Variants in AFG2A observed in about 807,000 individuals in gnomAD.
The protein encoded by AFG2A is AAA ATPase AFG2A, also known as ATPase family gene 2 protein homolog A.
At chr4:123,080,556 A>T in the AFG2A span, among the ~76,000 whole-genome samples, 6 of 152,046 alleles carry the variant, frequency 3.9e-5, no homozygotes, top group East Asian at 1.2e-3. Flanking sequence ...TCTCTTCATT[A>T]TGCATTTACC....
the AFG2A span, among the ~76,000 whole-genome samples, chr4:123,201,156 T>C: frequency 6.6e-5 from 10 of 152,254 alleles, no homozygotes; most frequent in Non-Finnish European, 1.0e-4. Context: ...ATTTAAATGT[T>C]TCAAATACTT....
At chr4:123,212,525 T>C in the AFG2A span, among the ~76,000 whole-genome samples, 4 of 152,184 alleles carry the variant, frequency 2.6e-5, no homozygotes, top group African/African-American at 9.6e-5. Context: ...CACTGAAAGC[T>C]AACTAGGGAA....
the AFG2A span, among the ~76,000 whole-genome samples, chr4:123,295,901 A>T: frequency 3.9e-5 from 6 of 152,254 alleles, no homozygotes; most frequent in African/African-American, 1.4e-4. Context: ...ATCTTGTCTC[A>T]AAAGCAAAAC....
chr4:123,253,443 C>G, the AFG2A span, among the ~76,000 whole-genome samples: 1 of 150,766 alleles, frequency 6.6e-6, no homozygotes, highest in Admixed American at 6.6e-5. Context: ...AAGACTGCAC[C>G]ACTGCACTTC....
At chr4:123,290,969 G>A in the AFG2A span, among the ~76,000 whole-genome samples, 2 of 152,106 alleles carry the variant, frequency 1.3e-5, no homozygotes, top group African/African-American at 2.4e-5. Flanking sequence ...ATGAATCTGG[G>A]AGCCCTGGAG....
At chr4:122,943,774 C>T in the AFG2A span, among the ~76,000 whole-genome samples, 20 of 152,234 alleles carry the variant, frequency 1.3e-4, no homozygotes, top group South Asian at 2.1e-3. Context: ...CAGCTGGTAC[C>T]GGTTGTTCTT....
chr4:123,049,404 G>T, the AFG2A span, among the ~76,000 whole-genome samples: 1 of 151,728 alleles, frequency 6.6e-6, no homozygotes. Context: ...CATTTTTTTT[G>T]AAATATTAAT....
At chr4:123,145,864 TTAATG>T in the AFG2A span, among the ~76,000 whole-genome samples, 1 of 152,120 alleles carries the variant, frequency 6.6e-6, no homozygotes, top group African/African-American at 2.4e-5. Flanking sequence ...TAACAGTAAT[TTAATG>T]TATTTTTATG....
the AFG2A span, among the ~76,000 whole-genome samples, chr4:123,074,586 A>G: frequency 6.6e-6 from 1 of 151,384 alleles, no homozygotes; most frequent in East Asian, 1.9e-4. Context: ...TATAGTTTTT[A>G]GGTTTAGGAT....
the AFG2A span, among the ~76,000 whole-genome samples, chr4:123,247,882 C>T: frequency 6.6e-5 from 10 of 152,144 alleles, no homozygotes; most frequent in African/African-American, 2.4e-4. Context: ...ATTTGACTTA[C>T]CTCATCCTTA....
the AFG2A span, among the ~76,000 whole-genome samples, chr4:123,227,925 T>A: frequency 6.6e-6 from 1 of 152,198 alleles, no homozygotes. Context: ...TTTAGGATAG[T>A]TAGCTCTTCT....
chr4:123,024,227 C>CAAAAAAAAAA, the AFG2A span, among the ~76,000 whole-genome samples: 9 of 123,508 alleles, frequency 7.3e-5, no homozygotes, highest in Non-Finnish European at 1.1e-4. Context: ...AGACTATAAG[C>CAAAAAAAAAA]AAAAAAAAAA....
the AFG2A span, among the ~76,000 whole-genome samples, chr4:123,042,865 A>G: frequency 1.3e-5 from 2 of 152,222 alleles, no homozygotes; most frequent in Non-Finnish European, 2.9e-5. Flanking sequence ...CTCTAAATAC[A>G]CAATAAACTT....
At chr4:123,152,160 T>C in the AFG2A span, among the ~76,000 whole-genome samples, 1 of 151,972 alleles carries the variant, frequency 6.6e-6, no homozygotes, top group Non-Finnish European at 1.5e-5. Flanking sequence ...GGGATAACAT[T>C]AGGAGAAATA....
the AFG2A span, among the ~76,000 whole-genome samples, chr4:123,148,553 G>C: frequency 6.6e-6 from 1 of 152,102 alleles, no homozygotes; most frequent in Admixed American, 6.6e-5. Context: ...TCTCTTGATT[G>C]CTTCTGCTTT....
At chr4:123,104,716 G>GA in the AFG2A span, among the ~76,000 whole-genome samples, 1 of 152,184 alleles carries the variant, frequency 6.6e-6, no homozygotes, top group Non-Finnish European at 1.5e-5. Flanking sequence ...TAGTGATCTG[G>GA]ATAGAAGATC....
At chr4:123,198,008 C>T in the AFG2A span, among the ~76,000 whole-genome samples, 11 of 151,838 alleles carry the variant, frequency 7.2e-5, no homozygotes, top group Non-Finnish European at 1.0e-4. Context: ...TGATGGCTTA[C>T]GCTTGCAATC....
the AFG2A span, among the ~76,000 whole-genome samples, chr4:123,293,418 G>A: frequency 6.6e-6 from 1 of 152,092 alleles, no homozygotes; most frequent in African/African-American, 2.4e-5. Context: ...GTCCCACAGG[G>A]TGCTCCCTTG....
chr4:123,203,950 T>A, the AFG2A span, among the ~76,000 whole-genome samples: 2 of 152,228 alleles, frequency 1.3e-5, no homozygotes, highest in African/African-American at 4.8e-5. Flanking sequence ...GAGAAGAATC[T>A]ATTCCTTTCC....
Sources: gnomAD v4.1 joint callset for allele counts (sites outside exome capture counted in the v4.1 genomes callset) on GRCh38, gnomAD v4.1.1 for gene constraint, MANE v1.5 for transcripts, NCBI Gene and HGNC (gene_info 2026-07-23, HGNC 2026-07-21) for gene names.